BICRAL: variants seen among roughly 807,000 people sequenced by gnomAD.
BICRAL encodes BICRA like chromatin remodeling complex associated protein.
BICRAL carries 8 observed loss-of-function variants against 91.8 expected under a neutral mutation model. That is an observed-to-expected ratio of 0.09 (90% CI 0.05 to 0.16). The LOEUF is 0.16. Among genes scored for constraint, BICRAL ranks in the 10% least tolerant of loss-of-function variants. The probability of loss-of-function intolerance (pLI) is 1.00; values close to 1 mark genes in which losing one functional copy is unlikely to be tolerated. For synonymous variants in BICRAL, 445 were observed against 491.1 expected (o/e 0.91, Z 1.24); for missense variants, 1,038 against 1,310.9 (o/e 0.79, Z 3.21).
chr6:42,818,574 TTA>T (rs1203102096), intron 2 of BICRAL, among the ~76,000 whole-genome samples: 2 of 152,170 alleles, frequency 1.3e-5, no homozygotes. Context: ...GCTTTGCACT[TTA>T]TGTCGTTGAC....
At chr6:42,852,315 T>C in intron 7 of BICRAL, 118 bp downstream of exon 7, 1 of 725,822 alleles carries the variant, frequency 1.4e-6, no homozygotes, top group South Asian at 1.5e-5. Flanking sequence ...CTCCGATTAT[T>C]CCTTTCTTTC....
At chr6:42,784,147 A>G (rs1268024921) in intron 1 of BICRAL, among the ~76,000 whole-genome samples, 1 of 152,166 alleles carries the variant, frequency 6.6e-6, no homozygotes, top group African/African-American at 2.4e-5. Context: ...GTTGGCTTTC[A>G]TATTACTTCA....
At chr6:42,787,086 G>T (rs1441459508) in intron 1 of BICRAL, among the ~76,000 whole-genome samples, 2 of 152,160 alleles carry the variant, frequency 1.3e-5, no homozygotes, top group Non-Finnish European at 2.9e-5. Context: ...AGTATCTCAG[G>T]CAAGTAAAGT....
At chr6:42,843,029 A>AT (rs1034079362) in intron 6 of BICRAL, among the ~76,000 whole-genome samples, 2 of 151,556 alleles carry the variant, frequency 1.3e-5, no homozygotes, top group East Asian at 1.9e-4. Flanking sequence ...AATTTTTTGT[A>AT]TTTTTTTAGT....
chr6:42,837,392 T>G (rs938152851), intron 6 of BICRAL, among the ~76,000 whole-genome samples: 7 of 152,240 alleles, frequency 4.6e-5, no homozygotes, highest in Admixed American at 3.9e-4. Flanking sequence ...ATGTTAGAGA[T>G]AACTATGTTT....
At chr6:42,768,303 A>G (rs1679335817) in intron 1 of BICRAL, among the ~76,000 whole-genome samples, 1 of 152,238 alleles carries the variant, frequency 6.6e-6, no homozygotes, top group South Asian at 2.1e-4. Flanking sequence ...AATAATCAAA[A>G]GATTACTGGC....
rs541319717 is a variant in BICRAL at position 42,796,106 on chromosome 6, T to G, written c.-102+14005T>G. Among the ~76,000 whole-genome samples the G allele has an allele frequency of 2.0e-5, 3 of 152,334 alleles. No homozygotes were observed. The South Asian group carries it at 6.2e-4, about 32-fold the overall frequency. ...GCACATAATGTGTGCCAGGTGCCAT[T>G]CTAGGCTCCCAGGATGCTGCAGTGA... On this transcript the variant is annotated intron_variant, in intron 1 of 12. Transcript: ENST00000314073.
intron 1 of BICRAL, among the ~76,000 whole-genome samples, chr6:42,800,829 C>T (rs1763546742): frequency 6.6e-6 from 1 of 152,128 alleles, no homozygotes; most frequent in South Asian, 2.1e-4. Flanking sequence ...TTGTTATTTT[C>T]ATAGGGTTTA....
In BICRAL at chr6:42,867,978, C is replaced by T. The variant is rs892244579; in HGVS notation, c.*2532C>T. 2.0e-5 allele frequency: 3 copies of T among 152,578 alleles called. No homozygotes were observed. The highest frequency in any genetic ancestry group is 6.5e-5 in the Admixed American group (1 of 15,272). 9.5% of individuals were successfully genotyped at this position (152,578 alleles called of 1,614,324 possible). On this transcript the variant is annotated 3_prime_UTR_variant, in exon 13 of 13. Coordinates refer to ENST00000314073, the MANE Select transcript of BICRAL (RefSeq NM_001393499.1). ...CCCCCTCTAGTGAAGGGTAGGAGAGCTCAGCCTCGGATGGCCAACATTCAG... is the reference window on the plus strand; with the variant it reads ...CCCCCTCTAGTGAAGGGTAGGAGAGTTCAGCCTCGGATGGCCAACATTCAG...
intron 5 of BICRAL, among the ~76,000 whole-genome samples, chr6:42,823,727 G>C (rs1377110921): frequency 6.6e-6 from 1 of 150,738 alleles, no homozygotes; most frequent in East Asian, 2.0e-4. Context: ...TTAAAGATCA[G>C]CCTGGCCAAG....
In BICRAL at chr6:42,829,582, G is replaced by A. The variant is rs568696389; in HGVS notation, c.1249G>A (p.Val417Ile). The stretch of plus-strand genomic sequence containing the variant: ...TGTCAGTTCCAACTCGGTACACCAC[G>A]TCCAGACTATAAATGGGCAACTTCT... ...LSVSSNSVHH[V>I]QTINGQLLQT... The change falls in exon 6 of 13, where the codon GTC (valine) becomes ATC (isoleucine). Residue 417 changes from valine (V) to isoleucine (I), a missense_variant. Val to Ile is a conservative substitution (Grantham distance 29). Coordinates refer to ENST00000314073, the MANE Select transcript of BICRAL (RefSeq NM_001393499.1). 34 of 1,614,174 alleles carry A rather than the reference G, an allele frequency of 2.1e-5. No individual in the cohort carries two copies. The highest frequency in any genetic ancestry group is 1.6e-4 in the Middle Eastern group (1 of 6,062).
intron 1 of BICRAL, among the ~76,000 whole-genome samples, chr6:42,790,313 CATGCCCAGATA>C (rs1310735013): frequency 6.6e-6 from 1 of 151,092 alleles, no homozygotes; most frequent in Non-Finnish European, 1.5e-5. Flanking sequence ...AATGCAACAC[CATGCCCAGATA>C]ATTTAATTTT....
At chr6:42,809,104 AC>A (rs374393031) in intron 1 of BICRAL, among the ~76,000 whole-genome samples, 7 of 118,560 alleles carry the variant, frequency 5.9e-5, no homozygotes, top group African/African-American at 1.3e-4. Context: ...AGCCCCCGGC[AC>A]CCCCCCCAAC....
chr6:42,834,655 T>A (rs1275759595), intron 6 of BICRAL, among the ~76,000 whole-genome samples: 116 of 152,258 alleles, frequency 7.6e-4, no homozygotes, highest in Non-Finnish European at 1.0e-4. Flanking sequence ...ATAAAATATA[T>A]TGTATAAAAT....
In BICRAL at chr6:42,865,141, A is replaced by C. The variant is rs1765676040; in HGVS notation, c.2935A>C (p.Asn979His). 1 of 1,614,138 alleles carries C rather than the reference A, an allele frequency of 6.2e-7. No homozygotes were observed. Among genetic ancestry groups the C allele is most frequent in the African/African-American group, 1.3e-5 (1 of 75,038 alleles). The change falls in exon 13 of 13, where the codon AAT (asparagine) becomes CAT (histidine). Residue 979 changes from asparagine (N) to histidine (H), a missense_variant. Transcript: ENST00000314073. ...NNSFQDKSLR[N>H]SPKNEVLHTD... is the part of the protein sequence containing the mutation. ...TTCCTTCCAGGACAAAAGTCTGAGG[A>C]ATTCTCCAAAGAATGAAGTTTTACA...
intron 1 of BICRAL, among the ~76,000 whole-genome samples, chr6:42,792,663 C>CA (rs1554276677): frequency 6.6e-6 from 1 of 151,974 alleles, no homozygotes; most frequent in African/African-American, 2.4e-5. Flanking sequence ...CTTGTAATCC[C>CA]GCACTTTGGG....
chr6:42,822,510 A>G (rs903759896), intron 3 of BICRAL, among the ~76,000 whole-genome samples: 10 of 151,532 alleles, frequency 6.6e-5, no homozygotes, highest in African/African-American at 2.4e-4. Context: ...CAGCCTCCCA[A>G]AGTGCTGGGA....
intron 1 of BICRAL, among the ~76,000 whole-genome samples, chr6:42,747,193 G>C (rs183688480): frequency 2.8e-4 from 43 of 152,300 alleles, no homozygotes; most frequent in Admixed American, 2.0e-3. Context: ...CAGCCAAGAC[G>C]GCGCAGTCAC....
Position 42,770,397 on chromosome 6 carries a change from T to TTTATTA in BICRAL, c.-260-11430_-260-11425dup, listed in dbSNP as rs1167469084. 2.7e-4 allele frequency among the ~76,000 whole-genome samples: 37 copies of TTTATTA among 134,708 alleles called. 1 individual carries two copies. The highest frequency in any genetic ancestry group is 4.2e-4 in the Non-Finnish European group (27 of 64,466). The allele number at this position is 134,708 out of a possible 152,430, so 88.4% of individuals were successfully genotyped here. A position where few individuals can be genotyped will look rare whatever the true frequency, so the allele number is the denominator to read the frequency against. On this transcript the variant is annotated intron_variant, in intron 1 of 14. Coordinates refer to the BICRAL transcript ENST00000614467. ...GCACGTGCCACCATGCCCGGCTAAT[T>TTTATTA]TTATTATTATTATTATTTTTTTTTT...
Sources: allele counts gnomAD v4.1 joint callset (sites outside exome capture counted in the v4.1 genomes callset), GRCh38; gene constraint gnomAD v4.1.1; transcripts MANE v1.5; gene names NCBI Gene and HGNC (gene_info 2026-07-23, HGNC 2026-07-21).